The following MARCHF7 variants were observed in gnomAD, a reference collection of about 807,000 sequenced individuals.
MARCHF7 encodes the protein membrane associated ring-CH-type finger 7.
Under a neutral mutation model 76.5 loss-of-function variants are expected in MARCHF7, and 20 were observed. The ratio of observed to expected loss-of-function variants is 0.26; its 90% CI spans 0.18 to 0.38. The LOEUF (loss-of-function observed/expected upper bound fraction) is 0.38, where lower values mean the gene tolerates loss of function less well. Ranked by LOEUF, MARCHF7 falls within the 10% of genes least tolerant of loss-of-function variation. MARCHF7 has a pLI of 1.00. For synonymous variants in MARCHF7, 295 were observed against 293.0 expected, an observed-to-expected ratio of 1.01 and a Z score of -0.07; for missense variants, 797 against 812.9, an observed-to-expected ratio of 0.98 and a Z score of 0.24.
intron 4 of MARCHF7, 56 bp from the exon 5 acceptor site, chr2:159,743,005 A>C: frequency 6.9e-7 from 1 of 1,444,602 alleles, no homozygotes; most frequent in Non-Finnish European, 9.5e-7. Flanking sequence ...ACTGTGGGTT[A>C]AATTTAGTAC....
At chr2:159,741,741 T>C (rs1704150066) in intron 4 of MARCHF7, among the ~76,000 whole-genome samples, 2 of 152,230 alleles carry the variant, frequency 1.3e-5, no homozygotes, top group Non-Finnish European at 2.9e-5. Context: ...TTTAATGTTC[T>C]TTAGCATAAT....
intron 4 of MARCHF7, chr2:159,732,729 G>A (rs1702972587): frequency 2.1e-6 from 1 of 468,856 alleles, no homozygotes; most frequent in African/African-American, 2.2e-5. Context: ...ATGGGGTCTT[G>A]CTGTGTTGCC....
At chr2:159,753,454 C>G (rs888007587) in intron 8 of MARCHF7, among the ~76,000 whole-genome samples, 2 of 151,788 alleles carry the variant, frequency 1.3e-5, no homozygotes, top group African/African-American at 4.8e-5. Flanking sequence ...GCCTGTAGTC[C>G]CAGCTAGAAT....
chr2:159,715,090 C>T (rs985188350), intron 2 of MARCHF7, among the ~76,000 whole-genome samples: 5 of 152,166 alleles, frequency 3.3e-5, no homozygotes, highest in African/African-American at 1.2e-4. Context: ...GAATGAAATG[C>T]ACAGCGTTGC....
chr2:159,732,911 G>A, intron 4 of MARCHF7: 6 of 985,228 alleles, frequency 6.1e-6, no homozygotes, highest in Non-Finnish European at 7.2e-6. Flanking sequence ...ATCTATATGT[G>A]AGATGTAAGA....
At chr2:159,739,029 C>T (rs572653519) in intron 4 of MARCHF7, among the ~76,000 whole-genome samples, 1 of 152,316 alleles carries the variant, frequency 6.6e-6, no homozygotes, top group Non-Finnish European at 1.5e-5. Context: ...CGGCACTGCC[C>T]CAAGCATGCG....
chr2:159,735,486 C>G (rs1215131666), intron 4 of MARCHF7, among the ~76,000 whole-genome samples: 2 of 152,142 alleles, frequency 1.3e-5, no homozygotes, highest in Non-Finnish European at 2.9e-5. Flanking sequence ...TCCTCTAGTC[C>G]CTCTTCCCCT....
chr2:159,751,299 G>T (rs979719260), intron 7 of MARCHF7, among the ~76,000 whole-genome samples: 4 of 152,172 alleles, frequency 2.6e-5, no homozygotes, highest in Non-Finnish European at 4.4e-5. Flanking sequence ...TGGTTATTTT[G>T]CCAGAGAGAG....
chr2:159,746,888 C>G (rs903750834), intron 6 of MARCHF7, among the ~76,000 whole-genome samples: 8 of 152,228 alleles, frequency 5.3e-5, no homozygotes, highest in African/African-American at 1.7e-4. Context: ...TTATTTATGA[C>G]AAATGAAAAC....
Position 159,759,318 on chromosome 2 carries a change from G to A in MARCHF7, c.1876G>A (p.Ala626Thr). ...TTTTGATATTCATGAACTACATAGAGCTCATGCAAATGAACAAGTTAGTAT... is the reference window on the plus strand; with the variant it reads ...TTTTGATATTCATGAACTACATAGAACTCATGCAAATGAACAAGTTAGTAT... ...EDFDIHELHR[A>T]HANEQAEYEF... The change falls in exon 9 of 12, where the codon GCT becomes ACT. Residue 626 changes from alanine to threonine, a missense_variant. Physicochemically the swap from Ala to Thr is moderately conservative, Grantham distance 58. This residue lies in a region of MARCHF7 where 124 missense variants were observed against 121.3 expected (regional missense o/e 1.02). Transcript: ENST00000409175. 1 of 1,601,202 alleles carries A rather than the reference G, an allele frequency of 6.2e-7. No homozygotes were observed. The highest frequency in any genetic ancestry group is 8.5e-7 in the Non-Finnish European group (1 of 1,169,948).
intron 7 of MARCHF7, among the ~76,000 whole-genome samples, chr2:159,749,367 G>GTTT (rs1373787515): frequency 1.5e-4 from 22 of 151,348 alleles, no homozygotes; most frequent in African/African-American, 2.9e-4. Flanking sequence ...TGTTGTTGTT[G>GTTT]TTGAGATGGA....
intron 9 of MARCHF7, among the ~76,000 whole-genome samples, chr2:159,760,706 TC>T: frequency 8.2e-6 from 1 of 121,914 alleles, no homozygotes; most frequent in Non-Finnish European, 1.8e-5. Context: ...GGCAGTTTTT[TC>T]CTTTTTTGTT....
chr2:159,738,411 C>T (rs1218910460), intron 4 of MARCHF7, among the ~76,000 whole-genome samples: 1 of 152,120 alleles, frequency 6.6e-6, no homozygotes, highest in African/African-American at 2.4e-5. Context: ...TACAGCTCTT[C>T]GAGTCCCACC....
intron 4 of MARCHF7, among the ~76,000 whole-genome samples, chr2:159,741,854 C>G (rs1205732718): frequency 1.3e-5 from 2 of 152,114 alleles, no homozygotes; most frequent in Non-Finnish European, 2.9e-5. Flanking sequence ...CTTACTGTCT[C>G]TGAGCCATTT....
chr2:159,735,671 T>C (rs957668172), intron 4 of MARCHF7, among the ~76,000 whole-genome samples: 20 of 152,248 alleles, frequency 1.3e-4, no homozygotes, highest in African/African-American at 4.1e-4. Context: ...TATTCTTTTT[T>C]GTGGCTGAAT....
chr2:159,730,548 T>G (rs1702662216), intron 4 of MARCHF7, among the ~76,000 whole-genome samples: 1 of 152,234 alleles, frequency 6.6e-6, no homozygotes, highest in South Asian at 2.1e-4. Context: ...GTCTCTATTT[T>G]ATTTTAAACT....
At chr2:159,735,352 CTTT>C (rs1200285320) in intron 4 of MARCHF7, among the ~76,000 whole-genome samples, 1 of 152,086 alleles carries the variant, frequency 6.6e-6, no homozygotes, top group Non-Finnish European at 1.5e-5. Flanking sequence ...CTTTAAAGTT[CTTT>C]TTTAAGAAAT....
intron 11 of MARCHF7, among the ~76,000 whole-genome samples, chr2:159,766,175 T>C (rs1014759184): frequency 1.3e-5 from 2 of 152,176 alleles, no homozygotes; most frequent in African/African-American, 4.8e-5. Flanking sequence ...AAATGGGTTC[T>C]GACTAAATTA....
chr2:159,730,234 T>G (rs1240443722), intron 4 of MARCHF7, among the ~76,000 whole-genome samples: 1 of 152,220 alleles, frequency 6.6e-6, no homozygotes, highest in Non-Finnish European at 1.5e-5. Flanking sequence ...CTTATCATTG[T>G]AGCAAATTTA....
Sources: allele counts gnomAD v4.1 joint callset (sites outside exome capture counted in the v4.1 genomes callset), GRCh38; gene constraint gnomAD v4.1.1; regional missense constraint gnomAD v4.1.1; transcripts MANE v1.5; gene names NCBI Gene and HGNC (gene_info 2026-07-23, HGNC 2026-07-21).